ADAM23: variants seen among roughly 807,000 people sequenced by gnomAD.
ADAM23 encodes the protein disintegrin and metalloproteinase domain-containing protein 23.
ADAM23 carries 33 observed loss-of-function variants against 120.1 expected under a neutral mutation model. The ratio of observed to expected loss-of-function variants is 0.27; its 90% confidence interval spans 0.21 to 0.37. The LOEUF (loss-of-function observed/expected upper bound fraction) is 0.37. Among genes scored for constraint, ADAM23 ranks in the 10% least tolerant of loss-of-function variants. ADAM23 has a pLI of 1.00. For synonymous variants in ADAM23, 367 were observed against 375.2 expected (o/e 0.98, Z 0.25); for missense variants, 862 against 1,058.2 (o/e 0.81, Z 2.57).
intron 3 of ADAM23, among the ~76,000 whole-genome samples, chr2:206,496,816 G>A (rs565167253): frequency 1.3e-5 from 2 of 151,776 alleles, no homozygotes; most frequent in Non-Finnish European, 2.9e-5. Context: ...ATGACAAAGG[G>A]GATATCACCA....
intron 3 of ADAM23, among the ~76,000 whole-genome samples, chr2:206,504,512 A>G (rs1696455717): frequency 1.3e-5 from 2 of 152,208 alleles, no homozygotes; most frequent in Admixed American, 1.3e-4. Flanking sequence ...CCTTGAAAAT[A>G]GTGCTTTTGA....
intron 9 of ADAM23, among the ~76,000 whole-genome samples, chr2:206,557,054 T>G (rs1329857840): frequency 6.6e-6 from 1 of 152,180 alleles, no homozygotes; most frequent in Non-Finnish European, 1.5e-5. Context: ...TTTCTATAGG[T>G]CCTTACTATT....
chr2:206,474,258 G>A (rs1695727634), intron 2 of ADAM23, among the ~76,000 whole-genome samples: 4 of 152,140 alleles, frequency 2.6e-5, no homozygotes, highest in South Asian at 4.1e-4. Flanking sequence ...CCTTCATGTA[G>A]CATTTGCAGC....
At chr2:206,585,664 C>G (rs1326415039) in intron 18 of ADAM23, among the ~76,000 whole-genome samples, 6 of 152,158 alleles carry the variant, frequency 3.9e-5, no homozygotes, top group Admixed American at 6.5e-5. Context: ...ACTTGCACAC[C>G]TGCCACATGC....
intron 17 of ADAM23, 82 bp from the exon 18 acceptor site, chr2:206,573,033 A>G: frequency 5.1e-6 from 7 of 1,363,312 alleles, no homozygotes; most frequent in Non-Finnish European, 6.3e-6. Flanking sequence ...GAGTATAGGC[A>G]TTGTCGGTGA....
chr2:206,605,962 G>A (rs188911203), intron 24 of ADAM23: 26 of 591,414 alleles, frequency 4.4e-5, no homozygotes, highest in African/African-American at 2.5e-4. Flanking sequence ...TCCATGTCTC[G>A]TCCTGTTGAC....
At chr2:206,605,926 T>A (rs1698720793) in intron 24 of ADAM23, 1 of 622,314 alleles carries the variant, frequency 1.6e-6, no homozygotes, top group Admixed American at 3.0e-5. Context: ...TGGTGCCTGA[T>A]GTGTGAGGCG....
At position 206,477,897 on chromosome 2, in the gene ADAM23, A is replaced by AAATATATATATAT. The variant is rs374524658; in HGVS notation, c.433-3334_433-3333insATATATATATATA. 2.7e-4 allele frequency among the ~76,000 whole-genome samples: 25 copies of AAATATATATATAT among 93,580 alleles called. 1 individual carries two copies. The highest frequency in any genetic ancestry group is 4.6e-4 in the African/African-American group (9 of 19,398). The allele number at this position is 93,580 out of a possible 152,430, so 61.4% of individuals were successfully genotyped here. ...TATTCTGTTAAAAAAAAAAAAAAAA[A>AAATATATATATAT]ATATATATATATATATATATATATA... On this transcript the variant is annotated intron_variant, in intron 2 of 25. Transcript: ENST00000264377.
intron 2 of ADAM23, among the ~76,000 whole-genome samples, chr2:206,477,922 A>ATAT (rs1491552690): frequency 1.5e-5 from 2 of 137,170 alleles, no homozygotes; most frequent in African/African-American, 2.8e-5. Flanking sequence ...ATATATATAT[A>ATAT]AAACAACAAT....
chr2:206,617,671 G>C lies in ADAM23; in HGVS notation c.*44G>C. 6.2e-7 allele frequency: 1 copy of C among 1,610,940 alleles called. No homozygotes were observed. The highest frequency in any genetic ancestry group is 1.7e-4 in the Middle Eastern group (1 of 6,054). On this transcript the variant is annotated 3_prime_UTR_variant, in exon 26 of 26. Transcript: ENST00000264377. Reference sequence around the variant, plus strand: ...ACACCGCCTTGCACTGTTGGATTCTGGGTATGACATACTCGCAGCAGTGTT... The same window carrying C: ...ACACCGCCTTGCACTGTTGGATTCTCGGTATGACATACTCGCAGCAGTGTT...
At chr2:206,539,931 A>G (rs373710584) in intron 4 of ADAM23, among the ~76,000 whole-genome samples, 4 of 152,348 alleles carry the variant, frequency 2.6e-5, no homozygotes, top group African/African-American at 7.2e-5. Context: ...AATGTTTAAT[A>G]TAACTACACA....
chr2:206,594,650 T>C (rs1698486564), intron 22 of ADAM23, 87 bp from the exon 23 acceptor site: 2 of 1,491,514 alleles, frequency 1.3e-6, no homozygotes, highest in Non-Finnish European at 1.8e-6. Flanking sequence ...TGACAGCCTC[T>C]TCGGTTTTGT....
intron 24 of ADAM23, among the ~76,000 whole-genome samples, chr2:206,600,951 AT>A (rs368731214): frequency 6.6e-6 from 1 of 152,160 alleles, no homozygotes; most frequent in Admixed American, 6.5e-5. Flanking sequence ...AATTTTTTAT[AT>A]TTTTTAAGCC....
At chr2:206,467,260 A>G (rs987318196) in intron 2 of ADAM23, among the ~76,000 whole-genome samples, 1 of 152,210 alleles carries the variant, frequency 6.6e-6, no homozygotes, top group Non-Finnish European at 1.5e-5. Context: ...CAGAAGTCCA[A>G]AGTCTTTTCT....
chr2:206,571,618 T>G, intron 16 of ADAM23, 109 bp from the exon 17 acceptor site: 1 of 673,872 alleles, frequency 1.5e-6, no homozygotes, highest in East Asian at 2.6e-5. Flanking sequence ...AATATTTGCT[T>G]ACTGTTGTAT....
At chr2:206,463,257 T>C (rs1205261962) in intron 2 of ADAM23, among the ~76,000 whole-genome samples, 2 of 152,192 alleles carry the variant, frequency 1.3e-5, no homozygotes, top group Non-Finnish European at 2.9e-5. Flanking sequence ...GGGCCCAGTG[T>C]AATCACAAGG....
intron 25 of ADAM23, among the ~76,000 whole-genome samples, chr2:206,615,635 A>G (rs1002423129): frequency 6.6e-5 from 10 of 152,162 alleles, no homozygotes; most frequent in African/African-American, 2.4e-4. Flanking sequence ...AAGGTCCTGG[A>G]ATGCCCCATT....
chr2:206,474,687 G>A (rs1164436725), intron 2 of ADAM23, among the ~76,000 whole-genome samples: 1 of 151,994 alleles, frequency 6.6e-6, no homozygotes, highest in Non-Finnish European at 1.5e-5. Flanking sequence ...TGATTCTCCT[G>A]CCCCAGCCTC....
chr2:206,531,811 C>T (rs1454260919), intron 4 of ADAM23, among the ~76,000 whole-genome samples: 1 of 152,186 alleles, frequency 6.6e-6, no homozygotes, highest in Non-Finnish European at 1.5e-5. Flanking sequence ...CACATGTCAG[C>T]ATAAAAGTAG....
Sources: gnomAD v4.1 joint callset for allele counts (sites outside exome capture counted in the v4.1 genomes callset) on GRCh38, gnomAD v4.1.1 for gene constraint, MANE v1.5 for transcripts, NCBI Gene and HGNC (gene_info 2026-07-23, HGNC 2026-07-21) for gene names.